The following KLB variants were observed in gnomAD, a reference collection of about 807,000 sequenced individuals.
The protein encoded by KLB is beta-klotho.
Under a neutral mutation model 88.4 loss-of-function variants are expected in KLB, and 44 were observed. The ratio of observed to expected loss-of-function variants is 0.50; its 90% CI spans 0.39 to 0.64. The LOEUF is 0.64. Among genes scored for constraint, KLB ranks in the 30% least tolerant of loss-of-function variants. The pLI is 0.00. For missense variants in KLB, 1,137 were observed against 1,304.8 expected (o/e 0.87, Z 1.98); for synonymous variants, 548 against 513.4 (o/e 1.07, Z -0.91).
intron 1 of KLB, among the ~76,000 whole-genome samples, chr4:39,423,949 G>A (rs888991579): frequency 2.0e-5 from 3 of 151,838 alleles, no homozygotes; most frequent in Admixed American, 2.0e-4. Context: ...AAGGCAGGAG[G>A]ATTGCTTGAG....
intron 2 of KLB, among the ~76,000 whole-genome samples, chr4:39,435,637 G>A (rs958046277): frequency 1.3e-5 from 2 of 151,304 alleles, no homozygotes; most frequent in Non-Finnish European, 2.9e-5. Context: ...TGTTGACCAG[G>A]TTGGTCTCGA....
At position 39,449,904 on chromosome 4, in the gene KLB, G is replaced by T. The variant is rs190153626; in HGVS notation, c.*1218G>T. The T allele has an allele frequency of 6.6e-6, 1 of 152,034 alleles. No homozygotes were observed. Among genetic ancestry groups the T allele is most frequent in the African/African-American group, 2.4e-5 (1 of 41,422 alleles). 9.4% of individuals were successfully genotyped at this position (152,034 alleles called of 1,614,324 possible). ...CGTGCCATTGCACTCCAGCCTGGGGGACAGGGCAAGACTGTCTCTCAAAAT... is the reference window on the plus strand; with the variant it reads ...CGTGCCATTGCACTCCAGCCTGGGGTACAGGGCAAGACTGTCTCTCAAAAT... On this transcript the variant is annotated 3_prime_UTR_variant, in exon 5 of 5. Coordinates refer to ENST00000257408, the MANE Select transcript of KLB (RefSeq NM_175737.4).
intron 4 of KLB, 90 bp downstream of exon 4, chr4:39,447,565 A>G: frequency 8.8e-7 from 1 of 1,132,494 alleles, no homozygotes; most frequent in East Asian, 2.6e-5. Context: ...CTGGTGCCTG[A>G]CAGCATCCAA....
chr4:39,410,958 G>A (rs972382237), intron 1 of KLB, among the ~76,000 whole-genome samples: 1 of 152,244 alleles, frequency 6.6e-6, no homozygotes, highest in South Asian at 2.1e-4. Flanking sequence ...CTTTATTGCA[G>A]ATGTAGGGAG....
chr4:39,410,403 A>G (rs1214025563), intron 1 of KLB, among the ~76,000 whole-genome samples: 1 of 152,184 alleles, frequency 6.6e-6, no homozygotes, highest in African/African-American at 2.4e-5. Flanking sequence ...ATGTTTTTCA[A>G]CTATTGTGTT....
intron 1 of KLB, among the ~76,000 whole-genome samples, chr4:39,427,696 C>G (rs1263203410): frequency 6.6e-6 from 1 of 152,160 alleles, no homozygotes; most frequent in African/African-American, 2.4e-5. Context: ...CACACAGTCT[C>G]CATTACGATT....
At chr4:39,412,792 C>A (rs1742882398) in intron 1 of KLB, among the ~76,000 whole-genome samples, 1 of 152,156 alleles carries the variant, frequency 6.6e-6, no homozygotes, top group South Asian at 2.1e-4. Flanking sequence ...ATGTTCTCAG[C>A]ACCTAGCACA....
intron 1 of KLB, among the ~76,000 whole-genome samples, chr4:39,426,543 T>TA: frequency 6.6e-6 from 1 of 150,786 alleles, no homozygotes; most frequent in South Asian, 2.1e-4. Flanking sequence ...AAAGCAAAGG[T>TA]AAAATAATGA....
intron 1 of KLB, among the ~76,000 whole-genome samples, chr4:39,432,643 C>T (rs1743388833): frequency 6.6e-6 from 1 of 152,094 alleles, no homozygotes; most frequent in African/African-American, 2.4e-5. Context: ...CTATCTCAGT[C>T]TCTCAGCCCA....
At chr4:39,431,268 A>G (rs1743354115) in intron 1 of KLB, among the ~76,000 whole-genome samples, 1 of 148,766 alleles carries the variant, frequency 6.7e-6, no homozygotes, top group Admixed American at 6.7e-5. Context: ...TTTGAAACGG[A>G]GTTTCACTCT....
intron 3 of KLB, among the ~76,000 whole-genome samples, chr4:39,445,807 C>A (rs748258955): frequency 6.6e-6 from 1 of 151,758 alleles, no homozygotes; most frequent in Non-Finnish European, 1.5e-5. Context: ...CAGGCATGAG[C>A]CACCGCGCCC....
intron 3 of KLB, among the ~76,000 whole-genome samples, chr4:39,445,039 A>C (rs928008475): frequency 6.6e-6 from 1 of 152,206 alleles, no homozygotes; most frequent in Admixed American, 6.5e-5. Flanking sequence ...TCCCTTATTA[A>C]TCTTGAATTT....
chr4:39,432,950 C>T (rs1318666139), intron 1 of KLB, among the ~76,000 whole-genome samples: 1 of 149,070 alleles, frequency 6.7e-6, no homozygotes, highest in Non-Finnish European at 1.5e-5. Context: ...ACCATCTCTG[C>T]TCACTGCAAC....
Position 39,448,365 on chromosome 4 carries a change from T to G in KLB, c.2814T>G (p.Ser938=). 1 of 1,613,310 alleles carries G rather than the reference T, an allele frequency of 6.2e-7. No homozygotes were observed. The highest frequency in any genetic ancestry group is 8.5e-7 in the Non-Finnish European group (1 of 1,179,190). The part of the protein sequence containing the change: ...YYAFKLAEEK[S]KPRFGFFTSD... Reference sequence around the variant, plus strand: ...CATTCAAACTGGCTGAAGAGAAATCTAAACCCAGATTTGGATTCTTCACAT... The same window carrying G: ...CATTCAAACTGGCTGAAGAGAAATCGAAACCCAGATTTGGATTCTTCACAT... The change falls in exon 5 of 5, where the codon TCT becomes TCG. Residue 938 remains serine, a synonymous_variant. Coordinates refer to ENST00000257408, the MANE Select transcript of KLB (RefSeq NM_175737.4).
Position 39,407,566 on chromosome 4 carries a change from A to T in KLB, c.617A>T (p.Tyr206Phe). The T allele has an allele frequency of 6.2e-7, 1 of 1,614,072 alleles. No homozygotes were observed. The highest frequency in any genetic ancestry group is 8.5e-7 in the Non-Finnish European group (1 of 1,179,920). Residue 206 changes from tyrosine to phenylalanine, a missense_variant, in exon 1 of 5, where the codon TAT becomes TTT. By Grantham distance (22) the Tyr-to-Phe change is conservative (BLOSUM62 3). Around this residue, in one of 4 missense-constraint regions of KLB, gnomAD observed 597 missense variants for 765.2 expected, o/e 0.78. Transcript: ENST00000257408. ...WDLPLALQEK[Y>F]GGWKNDTIID... is the part of the protein sequence containing the mutation. ...TTGCCTTTGGCACTACAAGAAAAATATGGGGGGTGGAAAAATGATACCATA... is the reference window on the plus strand; with the variant it reads ...TTGCCTTTGGCACTACAAGAAAAATTTGGGGGGTGGAAAAATGATACCATA...
At position 39,446,664 on chromosome 4, in the gene KLB, C is replaced by T. The variant is rs1398665669; in HGVS notation, c.1938C>T (p.His646=). 1 of 1,612,482 alleles carries T rather than the reference C, an allele frequency of 6.2e-7. No homozygotes were observed. The highest frequency in any genetic ancestry group is 8.5e-7 in the Non-Finnish European group (1 of 1,179,206). Residue 646 remains histidine, a synonymous_variant, in exon 4 of 5, where the codon CAC becomes CAT. Coordinates refer to ENST00000257408, the MANE Select transcript of KLB (RefSeq NM_175737.4). This position sits in a 1 kb window ranked among gnomAD's most constrained non-coding sequence, Gnocchi z 6.4. The part of the protein sequence containing the change: ...SAMVTLYYPT[H]AHLGLPEPLL... ...TGGTCACCCTGTATTATCCGACCCA[C>T]GCCCACCTAGGCCTCCCCGAGCCTC...
Position 39,407,569 on chromosome 4 carries a change from G to A in KLB, c.620G>A (p.Gly207Glu), listed in dbSNP as rs1210479059. 4 of 1,613,930 alleles carry A rather than the reference G, an allele frequency of 2.5e-6. No individual in the cohort carries two copies. Among genetic ancestry groups the A allele is most frequent in the Admixed American group, 1.7e-5 (1 of 59,998 alleles). ...DLPLALQEKYGGWKNDTIIDI... is the reference protein window; with the variant it reads ...DLPLALQEKYEGWKNDTIIDI... Reference sequence around the variant, plus strand: ...CCTTTGGCACTACAAGAAAAATATGGGGGGTGGAAAAATGATACCATAATA... The same window carrying A: ...CCTTTGGCACTACAAGAAAAATATGAGGGGTGGAAAAATGATACCATAATA... Residue 207 changes from glycine (G) to glutamate (E), a missense_variant, in exon 1 of 5, where the codon GGG becomes GAG. By Grantham distance (98) the Gly-to-Glu change is moderately conservative (BLOSUM62 -2). Coordinates refer to ENST00000257408, the MANE Select transcript of KLB (RefSeq NM_175737.4).
At chr4:39,429,878 C>T (rs781390907) in intron 1 of KLB, among the ~76,000 whole-genome samples, 16 of 152,164 alleles carry the variant, frequency 1.1e-4, no homozygotes, top group Non-Finnish European at 1.5e-4. Context: ...AGGACCTCCC[C>T]CACATTCTCT....
chr4:39,437,213 A>G (rs1234401312), intron 2 of KLB, among the ~76,000 whole-genome samples: 1 of 152,218 alleles, frequency 6.6e-6, no homozygotes, highest in Non-Finnish European at 1.5e-5. Context: ...TAGCCCAGCC[A>G]GTTCCCATTC....
Sources: gnomAD v4.1 joint callset for allele counts (sites outside exome capture counted in the v4.1 genomes callset) on GRCh38, gnomAD v4.1.1 for gene constraint, gnomAD v4.1.1 regional missense constraint, Gnocchi (gnomAD v3.1) non-coding constraint, MANE v1.5 for transcripts, NCBI Gene and HGNC (gene_info 2026-07-23, HGNC 2026-07-21) for gene names.